TENM4: variants seen among roughly 807,000 people sequenced by gnomAD.
The protein encoded by TENM4 is teneurin transmembrane protein 4.
TENM4 carries 82 observed loss-of-function variants against 243.3 expected under a neutral mutation model. The observed-to-expected ratio is 0.34, with a 90% CI of 0.28 to 0.40. The LOEUF (loss-of-function observed/expected upper bound fraction) is 0.40. Among genes scored for constraint, TENM4 ranks in the 10% least tolerant of loss-of-function variants. The pLI is 1.00. For missense variants in TENM4, 3,138 were observed against 3,673.3 expected, an observed-to-expected ratio of 0.85 and a Z score of 3.77; for synonymous variants, 1,412 against 1,456.3, an observed-to-expected ratio of 0.97 and a Z score of 0.69.
intron 3 of TENM4, among the ~76,000 whole-genome samples, chr11:79,193,655 A>G (rs1244453530): frequency 2.6e-5 from 4 of 152,190 alleles, no homozygotes; most frequent in African/African-American, 9.6e-5. Context: ...GGTCCCTGAC[A>G]CTTACCAAAG....
intron 12 of TENM4, among the ~76,000 whole-genome samples, chr11:78,829,713 G>A (rs1857934652): frequency 6.6e-6 from 1 of 152,122 alleles, no homozygotes; most frequent in East Asian, 1.9e-4. Flanking sequence ...GAAAATGGGA[G>A]TGATAAGAAA....
rs181064060 is a variant in TENM4, at chr11:78,676,045, G to T, written c.5496+107C>A. The T allele has an allele frequency of 4.4e-5, 47 of 1,071,516 alleles. No individual in the cohort carries two copies. The African/African-American group carries it at 6.5e-4, about 15-fold the overall frequency. 66.4% of individuals were successfully genotyped at this position (1,071,516 alleles called of 1,614,324 possible). On this transcript the variant is annotated intron_variant, in intron 30 of 33. Coordinates refer to ENST00000278550, the MANE Select transcript of TENM4 (RefSeq NM_001098816.3). ...TTCCCTGATTTAGTTCTCCCCTTTT[G>T]CAGATGAGTGAACTGAGGTCCCAGG...
intron 28 of TENM4, among the ~76,000 whole-genome samples, chr11:78,698,627 T>C (rs1455904383): frequency 1.3e-5 from 2 of 152,226 alleles, no homozygotes; most frequent in Non-Finnish European, 2.9e-5. Flanking sequence ...AACACCATAA[T>C]GAAATATCTG....
intron 16 of TENM4, among the ~76,000 whole-genome samples, chr11:78,781,966 T>G (rs1250992226): frequency 6.6e-6 from 1 of 152,210 alleles, no homozygotes; most frequent in African/African-American, 2.4e-5. Context: ...CTCTGATAAC[T>G]TGAGGTAGAT....
intron 27 of TENM4, among the ~76,000 whole-genome samples, chr11:78,704,159 CTATATATATATATATATATATATA>C (rs56026926): frequency 1.2e-4 from 13 of 106,028 alleles, no homozygotes; most frequent in Admixed American, 9.9e-4. Flanking sequence ...GTATGTGTGT[CTATATATATATATATATATATATA>C]TATATATATA....
At chr11:79,423,197 T>A (rs538769210) in intron 1 of TENM4, among the ~76,000 whole-genome samples, 28 of 152,130 alleles carry the variant, frequency 1.8e-4, no homozygotes, top group Non-Finnish European at 3.7e-4. Context: ...AGAGGTAACA[T>A]TGACTAAGCA....
chr11:78,914,508 T>A (rs1007232006), intron 6 of TENM4, among the ~76,000 whole-genome samples: 14 of 152,268 alleles, frequency 9.2e-5, no homozygotes, highest in Middle Eastern at 6.8e-3. Flanking sequence ...GGTAGTGAGC[T>A]CCTTGTCAGT....
At chr11:78,943,480 A>C (rs996403651) in intron 6 of TENM4, among the ~76,000 whole-genome samples, 1 of 152,104 alleles carries the variant, frequency 6.6e-6, no homozygotes, top group African/African-American at 2.4e-5. Flanking sequence ...GTCCCTTCCT[A>C]CCCTCTGCCC....
intron 2 of TENM4, among the ~76,000 whole-genome samples, chr11:79,274,306 C>A (rs1266856228): frequency 3.3e-5 from 5 of 152,202 alleles, no homozygotes; most frequent in Admixed American, 6.5e-5. Context: ...AGAATGCATC[C>A]CGTTTTTCAC....
At chr11:79,255,714 A>T (rs886087729) in intron 2 of TENM4, among the ~76,000 whole-genome samples, 12 of 152,232 alleles carry the variant, frequency 7.9e-5, no homozygotes, top group Non-Finnish European at 1.6e-4. Context: ...TCCACAGATA[A>T]TCAAAATTAA....
At position 78,819,596 on chromosome 11, in the gene TENM4, C is replaced by T. The variant is rs189868393; in HGVS notation, c.1682-5201G>A. Among the ~76,000 whole-genome samples the T allele has an allele frequency of 3.7e-3, 557 of 152,238 alleles. 3 individuals carry two copies. The highest frequency in any genetic ancestry group is 0.018 in the South Asian group (88 of 4,818). On this transcript the variant is annotated intron_variant, in intron 12 of 33. Coordinates refer to ENST00000278550, the MANE Select transcript of TENM4 (RefSeq NM_001098816.3). ...CTCTGAGTGGGCAAACCTCTGTGGA[C>T]GTGCGAGCTTGATGCCGGACTCCAG... is the stretch of plus-strand genomic sequence containing the variant.
chr11:79,390,123 G>C (rs1240657684), intron 1 of TENM4, among the ~76,000 whole-genome samples: 2 of 152,210 alleles, frequency 1.3e-5, no homozygotes, highest in African/African-American at 4.8e-5. Flanking sequence ...GTGGAATGAA[G>C]GTGGGGTGGG....
rs527536374 is a variant in TENM4 at position 78,953,066 on chromosome 11, T to TTTTCC, written c.494-49548_494-49544dup. 2.0e-4 allele frequency among the ~76,000 whole-genome samples: 31 copies of TTTTCC among 152,272 alleles called. 1 individual carries two copies. The East Asian group carries it at 3.3e-3, about 16-fold the overall frequency. On this transcript the variant is annotated intron_variant, in intron 6 of 33. Transcript: ENST00000278550. The stretch of plus-strand genomic sequence containing the variant: ...TGGAGCATAAATGAATTACCAGTCA[T>TTTTCC]TTTCCTTTCCTTTCAACTCTGGGGG...
chr11:79,066,705 C>G (rs1169070220), intron 5 of TENM4, among the ~76,000 whole-genome samples: 2 of 147,502 alleles, frequency 1.4e-5, no homozygotes, highest in African/African-American at 2.6e-5. Context: ...CGAGCACACA[C>G]ACGCATGCAC....
At chr11:78,820,281 A>G (rs1339734642) in intron 12 of TENM4, among the ~76,000 whole-genome samples, 1 of 152,220 alleles carries the variant, frequency 6.6e-6, no homozygotes, top group African/African-American at 2.4e-5. Context: ...ACAGTCTTAG[A>G]TAGAGAATGG....
At chr11:78,723,065 C>G (rs1052092316) in intron 23 of TENM4, 148 bp from the exon 24 acceptor site, 1 of 1,095,480 alleles carries the variant, frequency 9.1e-7, no homozygotes, top group East Asian at 2.6e-5. Flanking sequence ...TGCCTCACCC[C>G]CCCAATGGAA....
chr11:79,383,182 G>C (rs1858042082), intron 1 of TENM4, among the ~76,000 whole-genome samples: 1 of 152,200 alleles, frequency 6.6e-6, no homozygotes, highest in African/African-American at 2.4e-5. Context: ...TAGCAGGAGA[G>C]GGGAGGGCAG....
At chr11:79,414,882 A>AT (rs1858779845) in intron 1 of TENM4, among the ~76,000 whole-genome samples, 1 of 152,140 alleles carries the variant, frequency 6.6e-6, no homozygotes, top group South Asian at 2.1e-4. Context: ...AGAAAACCTC[A>AT]TTCATTCAGA....
chr11:79,035,985 T>C (rs140719946), intron 6 of TENM4, among the ~76,000 whole-genome samples: 310 of 152,358 alleles, frequency 2.0e-3, no homozygotes, highest in African/African-American at 7.0e-3. Flanking sequence ...TACTGTTTTA[T>C]TTCCCAAGCC....
Sources: gnomAD v4.1 joint callset for allele counts (sites outside exome capture counted in the v4.1 genomes callset) on GRCh38, gnomAD v4.1.1 for gene constraint, MANE v1.5 for transcripts, NCBI Gene and HGNC (gene_info 2026-07-23, HGNC 2026-07-21) for gene names.